Variants in GRM3 observed in about 807,000 individuals in gnomAD.
The protein encoded by GRM3 is metabotropic glutamate receptor 3.
Under a neutral mutation model 70.5 loss-of-function variants are expected in GRM3, and 26 were observed. The observed-to-expected ratio is 0.37, with a 90% CI of 0.27 to 0.51. GRM3 has a LOEUF of 0.51. GRM3 is among the 20% of genes least tolerant of loss of function. The probability of loss-of-function intolerance (pLI) is 0.93; values close to 1 mark genes in which losing one functional copy is unlikely to be tolerated. For synonymous variants in GRM3, 443 were observed against 434.9 expected (o/e 1.02, Z -0.23); for missense variants, 859 against 1,123.8 (o/e 0.76, Z 3.37).
intron 3 of GRM3, among the ~76,000 whole-genome samples, chr7:86,793,977 T>C (rs978623902): frequency 6.6e-6 from 1 of 152,164 alleles, no homozygotes; most frequent in Admixed American, 6.5e-5. Context: ...AAATACTATT[T>C]CCTTGATGTT....
At chr7:86,806,086 T>C (rs1490909289) in intron 3 of GRM3, among the ~76,000 whole-genome samples, 2 of 152,198 alleles carry the variant, frequency 1.3e-5, no homozygotes, top group Admixed American at 1.3e-4. Context: ...ACTCATCCTT[T>C]TTTATGGCTA....
At chr7:86,774,646 C>A (rs1177229406) in intron 2 of GRM3, among the ~76,000 whole-genome samples, 1 of 151,794 alleles carries the variant, frequency 6.6e-6, no homozygotes, top group Non-Finnish European at 1.5e-5. Flanking sequence ...GGCAAAGCAT[C>A]TTGACAGATT....
intron 3 of GRM3, among the ~76,000 whole-genome samples, chr7:86,799,369 C>A (rs971836299): frequency 2.0e-5 from 3 of 152,148 alleles, no homozygotes; most frequent in African/African-American, 7.2e-5. Flanking sequence ...GCCCCGGACA[C>A]AACTTCCAAT....
Position 86,786,099 on chromosome 7 carries a change from A to G in GRM3, c.469-162A>G. 1 of 680,828 alleles carries G rather than the reference A, an allele frequency of 1.5e-6. No individual in the cohort carries two copies. The highest frequency in any genetic ancestry group is 2.6e-6 in the Non-Finnish European group (1 of 387,906). 42.2% of individuals were successfully genotyped at this position (680,828 alleles called of 1,614,324 possible). ...CCTAGTGTCCAAAATACAGTATCCA[A>G]GGAAGCATCTGGTATTCATCTCAAG... On this transcript the variant is annotated intron_variant, in intron 2 of 5. Coordinates refer to ENST00000361669, the MANE Select transcript of GRM3 (RefSeq NM_000840.3). This position sits in a 1 kb window ranked among gnomAD's most constrained non-coding sequence, Gnocchi z 6.0.
intron 1 of GRM3, among the ~76,000 whole-genome samples, chr7:86,752,896 A>G (rs926492901): frequency 6.6e-6 from 1 of 152,110 alleles, no homozygotes; most frequent in Non-Finnish European, 1.5e-5. Context: ...CAAGGGAGTA[A>G]GGATGCTAAC....
chr7:86,838,934 G>A lies in GRM3; in HGVS notation c.1420G>A (p.Val474Ile). 2.5e-6 allele frequency: 4 copies of A among 1,613,764 alleles called. No homozygotes were observed. Among genetic ancestry groups the A allele is most frequent in the Non-Finnish European group, 3.4e-6 (4 of 1,179,676 alleles). Residue 474 changes from valine to isoleucine, a missense_variant, in exon 4 of 6, where the codon GTA becomes ATA. By Grantham distance (29) the Val-to-Ile change is conservative. Transcript: ENST00000361669. Reference sequence around the variant, plus strand: ...ATACAACGTGTTCAATTTCCAAAATGTAGGTGGAAAGTATTCCTACTTGAA... The same window carrying A: ...ATACAACGTGTTCAATTTCCAAAATATAGGTGGAAAGTATTCCTACTTGAA... Reference protein sequence around the residue: ...GRYNVFNFQNVGGKYSYLKVG... With the variant: ...GRYNVFNFQNIGGKYSYLKVG...
rs35888996 is a variant in GRM3, at chr7:86,831,793, T to TAAAAA, written c.1325-7029_1325-7025dup. 2.5e-4 allele frequency among the ~76,000 whole-genome samples: 29 copies of TAAAAA among 113,964 alleles called. 1 individual carries two copies. The highest frequency in any genetic ancestry group is 9.2e-4 in the African/African-American group (28 of 30,322). 74.8% of individuals were successfully genotyped at this position (113,964 alleles called of 152,430 possible). A position where few individuals can be genotyped will look rare whatever the true frequency, so the allele number is the denominator to read the frequency against. On this transcript the variant is annotated intron_variant, in intron 3 of 5. Transcript: ENST00000361669. ...TCCTCTTCAAAAGTCATAGCACCGTTAAAAAAAAAAAAAAAAAAAAAGCTA... is the reference window on the plus strand; with the variant it reads ...TCCTCTTCAAAAGTCATAGCACCGTTAAAAAAAAAAAAAAAAAAAAAAAAAAGCTA...
chr7:86,853,918 T>C (rs1798799579), intron 5 of GRM3, among the ~76,000 whole-genome samples: 1 of 152,144 alleles, frequency 6.6e-6, no homozygotes, highest in African/African-American at 2.4e-5. Flanking sequence ...CTTTCACTCT[T>C]ATTCCTGGCA....
chr7:86,788,622 G>C (rs962439431), intron 3 of GRM3, among the ~76,000 whole-genome samples: 4 of 152,094 alleles, frequency 2.6e-5, no homozygotes, highest in African/African-American at 9.7e-5. Flanking sequence ...CAAATCCCAG[G>C]TTAGTTCCTG....
rs2116549140 is a variant in GRM3 at position 86,786,924 on chromosome 7, G to A, written c.1132G>A (p.Ala378Thr). 1 of 1,614,108 alleles carries A rather than the reference G, an allele frequency of 6.2e-7. No homozygotes were observed. Among genetic ancestry groups the A allele is most frequent in the Non-Finnish European group, 8.5e-7 (1 of 1,179,954 alleles). The change falls in exon 3 of 6, where the codon GCC (alanine) becomes ACC (threonine). Residue 378 changes from alanine (A) to threonine (T), a missense_variant. Transcript: ENST00000361669. This position sits in a 1 kb window ranked among gnomAD's most constrained non-coding sequence, Gnocchi z 6.0. ...NHRRVCDKHL[A>T]IDSSNYEQES... The stretch of plus-strand genomic sequence containing the variant: ...CAGGCGCGTCTGCGACAAGCACCTG[G>A]CCATCGACAGCAGCAACTACGAGCA...
chr7:86,834,561 A>C (rs1385595596), intron 3 of GRM3, among the ~76,000 whole-genome samples: 1 of 148,470 alleles, frequency 6.7e-6, no homozygotes, highest in Non-Finnish European at 1.5e-5. Flanking sequence ...TTGACTTCAC[A>C]TCCTGCACTG....
At chr7:86,771,269 A>T (rs1160874570) in intron 2 of GRM3, among the ~76,000 whole-genome samples, 1 of 152,110 alleles carries the variant, frequency 6.6e-6, no homozygotes, top group East Asian at 1.9e-4. Context: ...ACTTTATGAA[A>T]ATACTCTACT....
intron 1 of GRM3, among the ~76,000 whole-genome samples, chr7:86,692,349 ACT>A (rs548048025): frequency 6.6e-6 from 1 of 151,916 alleles, no homozygotes; most frequent in Non-Finnish European, 1.5e-5. Context: ...CATCTCTTTG[ACT>A]CTCTCTTTTT....
At chr7:86,788,284 G>A (rs576457578) in intron 3 of GRM3, among the ~76,000 whole-genome samples, 27 of 152,220 alleles carry the variant, frequency 1.8e-4, no homozygotes, top group African/African-American at 5.8e-4. Flanking sequence ...TGAAATCACA[G>A]GTAATAATGA....
chr7:86,768,297 C>T (rs1796655346), intron 2 of GRM3, among the ~76,000 whole-genome samples: 3 of 152,156 alleles, frequency 2.0e-5, no homozygotes, highest in Non-Finnish European at 4.4e-5. Flanking sequence ...ATATCGAAAG[C>T]TAATTATGTG....
intron 1 of GRM3, among the ~76,000 whole-genome samples, chr7:86,697,218 G>T (rs1324078748): frequency 6.6e-6 from 1 of 151,838 alleles, no homozygotes; most frequent in Non-Finnish European, 1.5e-5. Context: ...AACACACAGG[G>T]GCTTTGAAAG....
chr7:86,683,049 A>C (rs960804686), intron 1 of GRM3, among the ~76,000 whole-genome samples: 1 of 152,196 alleles, frequency 6.6e-6, no homozygotes, highest in South Asian at 2.1e-4. Context: ...CAGTTTGAAA[A>C]CATTGGATCA....
At chr7:86,775,098 C>G (rs999406963) in intron 2 of GRM3, 3 of 151,982 alleles carry the variant, frequency 2.0e-5, no homozygotes, top group Non-Finnish European at 2.9e-5. Context: ...CAACTGTTAA[C>G]AATGTTTATT....
At chr7:86,730,055 C>G (rs576518507) in intron 1 of GRM3, among the ~76,000 whole-genome samples, 3 of 151,474 alleles carry the variant, frequency 2.0e-5, no homozygotes, top group Non-Finnish European at 4.4e-5. Flanking sequence ...TGCAGTGAGC[C>G]GTGAGCCAAG....
Sources: allele counts gnomAD v4.1 joint callset (sites outside exome capture counted in the v4.1 genomes callset), GRCh38; gene constraint gnomAD v4.1.1; non-coding constraint Gnocchi (gnomAD v3.1); transcripts MANE v1.5; gene names NCBI Gene and HGNC (gene_info 2026-07-23, HGNC 2026-07-21).